Variants in ZSCAN25 observed in about 807,000 individuals in gnomAD.
ZSCAN25 encodes the protein zinc finger and SCAN domain-containing protein 25.
Under a neutral mutation model 38.7 loss-of-function variants are expected in ZSCAN25, and 27 were observed. The ratio of observed to expected loss-of-function variants is 0.70; its 90% CI spans 0.51 to 0.96. The LOEUF (loss-of-function observed/expected upper bound fraction) is 0.96, where lower values mean the gene tolerates loss of function less well. Ranked by LOEUF, ZSCAN25 falls within the 40% of genes least tolerant of loss-of-function variation. The pLI is 0.00. For missense variants in ZSCAN25, 637 were observed against 705.9 expected, an observed-to-expected ratio of 0.90 and a Z score of 1.11; for synonymous variants, 273 against 277.7, an observed-to-expected ratio of 0.98 and a Z score of 0.17.
the ZSCAN25 span, chr7:99,650,048 T>C: frequency 6.2e-7 from 1 of 1,612,634 alleles, no homozygotes; most frequent in African/African-American, 1.3e-5. Context: ...AAATTCTTAA[T>C]AAAACATACA....
chr7:99,669,315 G>A, the ZSCAN25 span, among the ~76,000 whole-genome samples: 1 of 152,152 alleles, frequency 6.6e-6, no homozygotes, highest in Non-Finnish European at 1.5e-5. Flanking sequence ...TGTATGTGTT[G>A]TAAGGACAAA....
the ZSCAN25 span, chr7:99,717,426 G>T: frequency 1.9e-6 from 3 of 1,582,188 alleles, no homozygotes; most frequent in South Asian, 3.4e-5. Flanking sequence ...CTCAAATTCA[G>T]CAGACTACTC....
Position 99,629,383 on chromosome 7 carries a change from C to G in ZSCAN25, c.998C>G (p.Pro333Arg), listed in dbSNP as rs760298750. 2.5e-6 allele frequency: 4 copies of G among 1,614,226 alleles called. No individual in the cohort carries two copies. Among genetic ancestry groups the G allele is most frequent in the Non-Finnish European group, 2.5e-6 (3 of 1,180,032 alleles). ...CCTCCTCCCCAGCACGGTGCCATCC[C>G]CCTGCCTGACGAAGTCAAAACCCAC... ...GLPPPQHGAI[P>R]LPDEVKTHSS... The change falls in exon 8 of 8, where the codon CCC becomes CGC. Residue 333 changes from proline to arginine, a missense_variant. By Grantham distance (103) the Pro-to-Arg change is moderately radical. Coordinates refer to ENST00000394152, the MANE Select transcript of ZSCAN25 (RefSeq NM_145115.3). This position sits in a 1 kb window ranked among gnomAD's most constrained non-coding sequence, Gnocchi z 5.6.
chr7:99,730,886 G>T, the ZSCAN25 span: 1 of 796,768 alleles, frequency 1.3e-6, no homozygotes, highest in Non-Finnish European at 1.9e-6. Flanking sequence ...GTTCCTGAGA[G>T]TTAGCAAGAG....
At position 99,631,760 on chromosome 7, in the gene ZSCAN25, A is replaced by G; in HGVS notation, c.*1740A>G. The stretch of plus-strand genomic sequence containing the variant: ...GTGTCTAATTTTGGCTTAGCAAATG[A>G]CGCTCCTTGGTCTTCCTGGCTCATT... On this transcript the variant is annotated 3_prime_UTR_variant, in exon 8 of 8. Coordinates refer to ENST00000394152, the MANE Select transcript of ZSCAN25 (RefSeq NM_145115.3). 2.0e-6 allele frequency: 2 copies of G among 985,390 alleles called. No individual in the cohort carries two copies. Among genetic ancestry groups the G allele is most frequent in the South Asian group, 9.4e-5 (2 of 21,288 alleles). The allele number at this position is 985,390 out of a possible 1,614,324, so 61.0% of individuals were successfully genotyped here.
chr7:99,620,008 G>A lies in ZSCAN25; in HGVS notation c.387+15G>A. The A allele has an allele frequency of 6.2e-7, 1 of 1,602,912 alleles. No homozygotes were observed. The highest frequency in any genetic ancestry group is 8.5e-7 in the Non-Finnish European group (1 of 1,176,028). ...AGGCCAAGGCGGTGGGTGAGGAGGGGATCCAGGTCTGGCGCCCTTGGCGTG... is the reference window on the plus strand; with the variant it reads ...AGGCCAAGGCGGTGGGTGAGGAGGGAATCCAGGTCTGGCGCCCTTGGCGTG... On this transcript the variant is annotated intron_variant, in intron 4 of 7. Coordinates refer to ENST00000394152, the MANE Select transcript of ZSCAN25 (RefSeq NM_145115.3).
At chr7:99,700,253 T>A in the ZSCAN25 span, among the ~76,000 whole-genome samples, 5 of 152,228 alleles carry the variant, frequency 3.3e-5, no homozygotes, top group Non-Finnish European at 5.9e-5. Flanking sequence ...GTTCATATTC[T>A]ATGGGGAATC....
the ZSCAN25 span, among the ~76,000 whole-genome samples, chr7:99,675,313 G>T: frequency 2.0e-5 from 3 of 152,184 alleles, no homozygotes; most frequent in Non-Finnish European, 2.9e-5. Context: ...CCATGCAAAA[G>T]AAGGTCCCAG....
the ZSCAN25 span, among the ~76,000 whole-genome samples, chr7:99,737,762 A>G: frequency 6.6e-6 from 1 of 152,250 alleles, no homozygotes; most frequent in Non-Finnish European, 1.5e-5. Flanking sequence ...ATCTATACCA[A>G]CAGTGATAGA....
the ZSCAN25 span, chr7:99,677,332 A>C: frequency 1.3e-6 from 1 of 788,560 alleles, no homozygotes; most frequent in African/African-American, 1.9e-5. Flanking sequence ...AGAGAGGCAA[A>C]CTACAAAAAT....
the ZSCAN25 span, among the ~76,000 whole-genome samples, chr7:99,652,947 C>T: frequency 1.4e-4 from 21 of 152,146 alleles, no homozygotes; most frequent in Admixed American, 1.2e-3. Context: ...TTGATGTGCT[C>T]AGTGACCTAC....
At chr7:99,688,135 A>G in the ZSCAN25 span, among the ~76,000 whole-genome samples, 1 of 152,266 alleles carries the variant, frequency 6.6e-6, no homozygotes, top group Non-Finnish European at 1.5e-5. Context: ...ATAACCAGCT[A>G]ACATCATAAT....
At chr7:99,682,099 G>A in the ZSCAN25 span, among the ~76,000 whole-genome samples, 1 of 152,126 alleles carries the variant, frequency 6.6e-6, no homozygotes, top group Non-Finnish European at 1.5e-5. Flanking sequence ...CTTCTGTGTA[G>A]CTGGGACTAC....
the ZSCAN25 span, among the ~76,000 whole-genome samples, chr7:99,675,113 G>GAA: frequency 6.6e-6 from 1 of 152,228 alleles, no homozygotes; most frequent in Non-Finnish European, 1.5e-5. Flanking sequence ...GCATGTTGTT[G>GAA]AGTGAGAAAG....
the ZSCAN25 span, among the ~76,000 whole-genome samples, chr7:99,695,214 A>AT: frequency 6.6e-5 from 10 of 152,154 alleles, no homozygotes; most frequent in Non-Finnish European, 1.5e-4. Context: ...GGGATTTAGC[A>AT]TTTTTTGGAG....
chr7:99,648,664 GTT>G, the ZSCAN25 span, among the ~76,000 whole-genome samples: 9 of 141,426 alleles, frequency 6.4e-5, no homozygotes, highest in African/African-American at 2.3e-4. Flanking sequence ...GTGGACTCGT[GTT>G]TTTTTTTTTT....
At chr7:99,709,180 C>T in the ZSCAN25 span, 1 of 1,614,012 alleles carries the variant, frequency 6.2e-7, no homozygotes, top group East Asian at 2.2e-5. Context: ...AGTCTCATAG[C>T]AACTGGGAAT....
At chr7:99,737,337 G>C in the ZSCAN25 span, among the ~76,000 whole-genome samples, 1 of 152,088 alleles carries the variant, frequency 6.6e-6, no homozygotes, top group Non-Finnish European at 1.5e-5. Flanking sequence ...TAAGACTCAA[G>C]GCTGCAACCA....
At chr7:99,720,842 T>G in the ZSCAN25 span, 2 of 185,236 alleles carry the variant, frequency 1.1e-5, no homozygotes, top group African/African-American at 4.7e-5. Context: ...TCACAAGGAC[T>G]AAATGTTTCA....
Sources: allele counts gnomAD v4.1 joint callset (sites outside exome capture counted in the v4.1 genomes callset), GRCh38; gene constraint gnomAD v4.1.1; non-coding constraint Gnocchi (gnomAD v3.1); transcripts MANE v1.5; gene names NCBI Gene and HGNC (gene_info 2026-07-23, HGNC 2026-07-21).